ANAPC15: variants seen among roughly 807,000 people sequenced by gnomAD.
The protein encoded by ANAPC15 is anaphase promoting complex subunit 15.
Under a neutral mutation model 19.8 loss-of-function variants are expected in ANAPC15, and 13 were observed. The observed-to-expected ratio is 0.66, with a 90% CI of 0.43 to 1.04. The LOEUF is 1.04. Ranked by LOEUF, ANAPC15 falls within the 50% of genes least tolerant of loss-of-function variation. The pLI is 0.00. For synonymous variants in ANAPC15, 45 were observed against 50.7 expected (o/e 0.89, Z 0.47); for missense variants, 88 against 150.3 (o/e 0.59, Z 2.17).
Position 72,109,911 on chromosome 11 carries a change from G to A in ANAPC15, c.336C>T (p.Asn112=), listed in dbSNP as rs1402569929. The change falls in exon 6 of 6, where the codon AAC becomes AAT. Residue 112 remains asparagine (N), a synonymous_variant. Coordinates refer to ENST00000227618, the MANE Select transcript of ANAPC15 (RefSeq NM_014042.3). ...TCATCCACTGGTCCTGATCCTGTTC[G>A]TTGCCTTCCATGTCCACCTGGAGAG... is the stretch of plus-strand genomic sequence containing the variant. ...GEVNEVDMEG[N]EQDQDQWMI 8 of 1,613,914 alleles carry A rather than the reference G, an allele frequency of 5.0e-6. No individual in the cohort carries two copies. In the East Asian group the frequency reaches 6.7e-5, roughly 13 times the overall value.
downstream of ANAPC15, chr11:72,108,564 A>C: frequency 7.0e-7 from 1 of 1,422,308 alleles, no homozygotes; most frequent in Non-Finnish European, 9.2e-7. Context: ...TGGGAGAACA[A>C]TTCCCCCCAC....
chr11:72,112,087 G>A (rs3793938), intron 1 of ANAPC15: 16,871 of 153,058 alleles, frequency 0.11, 1,182 homozygotes, highest in East Asian at 0.23. Flanking sequence ...TGAAAGGGAT[G>A]AGCAGGAGAA....
Position 72,109,809 on chromosome 11 carries a change from G to C in ANAPC15, c.*72C>G. On this transcript the variant is annotated 3_prime_UTR_variant, in exon 6 of 6. Transcript: ENST00000227618. Reference sequence around the variant, plus strand: ...GGCCATCAGCTGGTTCTGTGGGCAGGGGTTGGGGGTTGGGATGCAGGGTAG... The same window carrying C: ...GGCCATCAGCTGGTTCTGTGGGCAGCGGTTGGGGGTTGGGATGCAGGGTAG... 1 of 1,584,636 alleles carries C rather than the reference G, an allele frequency of 6.3e-7. No individual in the cohort carries two copies. Among genetic ancestry groups the C allele is most frequent in the Non-Finnish European group, 8.7e-7 (1 of 1,155,040 alleles).
downstream of ANAPC15, chr11:72,107,786 G>A (rs1945834891): frequency 1.1e-6 from 1 of 874,466 alleles, no homozygotes; most frequent in Admixed American, 2.4e-5. Context: ...AGGGCAGCTG[G>A]GGCTATGGTA....
At chr11:72,109,240 A>G, downstream of ANAPC15, 1 of 465,830 alleles carries the variant, frequency 2.1e-6, no homozygotes. Flanking sequence ...TTGCTCTGAG[A>G]TTTAATCTTC....
chr11:72,111,309 T>C (rs1463876721), intron 2 of ANAPC15, 23 bp from the exon 3 acceptor site: 1 of 1,549,212 alleles, frequency 6.5e-7, no homozygotes, highest in South Asian at 1.1e-5. Flanking sequence ...GTCAAGTGAA[T>C]GTGTTTTGCT....
chr11:72,108,079 C>T, downstream of ANAPC15: 1 of 1,537,598 alleles, frequency 6.5e-7, no homozygotes, highest in African/African-American at 1.4e-5. Context: ...GCAGCAGTGG[C>T]TGAAAAACTC....
downstream of ANAPC15, chr11:72,108,007 T>A (rs1945870699): frequency 1.9e-6 from 3 of 1,551,750 alleles, no homozygotes; most frequent in Non-Finnish European, 2.6e-6. Flanking sequence ...TCTACCCTGC[T>A]TATTGCCCGA....
chr11:72,109,979 C>G (rs1946264122), intron 5 of ANAPC15, 51 bp from the exon 6 acceptor site: 3 of 1,613,964 alleles, frequency 1.9e-6, no homozygotes, highest in Non-Finnish European at 2.5e-6. Context: ...CAGCCTCAGC[C>G]CCAGATCCTG....
downstream of ANAPC15, chr11:72,109,372 T>G: frequency 4.3e-6 from 2 of 461,624 alleles, no homozygotes; most frequent in African/African-American, 2.0e-5. Context: ...TGGCAATGAG[T>G]TAGACGCCCT....
At chr11:72,107,782 G>A, downstream of ANAPC15, 1 of 847,436 alleles carries the variant, frequency 1.2e-6, no homozygotes, top group Non-Finnish European at 1.9e-6. Context: ...CAGGAGGGCA[G>A]CTGGGGCTAT....
upstream of ANAPC15, chr11:72,112,713 C>T: frequency 2.2e-6 from 1 of 456,650 alleles, no homozygotes; most frequent in Non-Finnish European, 4.4e-6. Context: ...GCGGAAGAAC[C>T]CACCAGAATC....
chr11:72,109,420 G>A (rs1946117619), downstream of ANAPC15: 1 of 453,282 alleles, frequency 2.2e-6, no homozygotes, highest in Non-Finnish European at 4.4e-6. Flanking sequence ...CAGAGAAAAT[G>A]GCACAGAACC....
At chr11:72,112,161 C>T (rs1347463109) in intron 1 of ANAPC15, 1 of 154,206 alleles carries the variant, frequency 6.5e-6, no homozygotes, top group Non-Finnish European at 1.5e-5. Flanking sequence ...CCAGCCGCTG[C>T]CCTTCCCTGT....
chr11:72,110,241 G>A lies in ANAPC15; in HGVS notation c.181-16C>T, dbSNP rs1421375329. On this transcript the variant is annotated splice_polypyrimidine_tract_variant and intron_variant, in intron 4 of 5. Transcript: ENST00000227618. ...CATCATAGTGCTGGTGGGCAGGACA[G>A]AGCCTGTAAGCCCTACAGGCCTGCA... 10 of 1,612,398 alleles carry A rather than the reference G, an allele frequency of 6.2e-6. No homozygotes were observed. The highest frequency in any genetic ancestry group is 1.7e-5 in the Admixed American group (1 of 60,002).
downstream of ANAPC15, chr11:72,107,977 T>G (rs1472049145): frequency 1.3e-6 from 2 of 1,551,618 alleles, no homozygotes; most frequent in African/African-American, 2.7e-5. Flanking sequence ...GTGCTGGAAT[T>G]GGGAACCTAC....
chr11:72,107,923 G>A, downstream of ANAPC15: 2 of 1,551,762 alleles, frequency 1.3e-6, no homozygotes, highest in South Asian at 2.4e-5. Flanking sequence ...CCCCTCATAG[G>A]TCAGATCCTG....
At chr11:72,109,466 A>G (rs1946124924), downstream of ANAPC15, 2 of 396,274 alleles carry the variant, frequency 5.0e-6, no homozygotes, top group South Asian at 3.7e-5. Context: ...GGCCTTCCCT[A>G]ACTCTGGCCC....
chr11:72,109,818 G>C lies in ANAPC15; in HGVS notation c.*63C>G. The C allele has an allele frequency of 2.5e-6, 4 of 1,600,392 alleles. No homozygotes were observed. The highest frequency in any genetic ancestry group is 3.4e-6 in the Non-Finnish European group (4 of 1,169,254). On this transcript the variant is annotated 3_prime_UTR_variant, in exon 6 of 6. Transcript: ENST00000227618. ...CTGGTTCTGTGGGCAGGGGTTGGGG[G>C]TTGGGATGCAGGGTAGTTTGGGCTG...
Sources: allele counts gnomAD v4.1 joint callset, GRCh38; gene constraint gnomAD v4.1.1; transcripts MANE v1.5; gene names NCBI Gene and HGNC (gene_info 2026-07-23, HGNC 2026-07-21).